The following TAF7L variants were observed in gnomAD, a reference collection of about 807,000 sequenced individuals.
TAF7L encodes the protein TATA-box binding protein associated factor 7 like.
A neutral mutation model predicts 30.2 loss-of-function variants in TAF7L; 6 were observed. The observed-to-expected ratio is 0.20, with a 90% CI of 0.11 to 0.39. The LOEUF (loss-of-function observed/expected upper bound fraction) is 0.39, where lower values mean the gene tolerates loss of function less well. Among genes scored for constraint, TAF7L ranks in the 10% least tolerant of loss-of-function variants. The pLI, the probability that TAF7L is intolerant of heterozygous loss-of-function variation, is 1.00. For synonymous variants in TAF7L, 93 were observed against 94.5 expected (o/e 0.98, Z 0.09); for missense variants, 284 against 277.1 (o/e 1.03, Z -0.18).
intron 5 of TAF7L, 120 bp from the exon 6 acceptor site, chrX:101,281,895 T>A: frequency 1.4e-6 from 1 of 696,228 alleles, no homozygotes; most frequent in African/African-American, 2.3e-5. Flanking sequence ...CTTTTTTTTT[T>A]TTTTTTTTGA....
chrX:101,278,250 A>C, intron 7 of TAF7L, 129 bp from the exon 8 acceptor site: 1 of 480,831 alleles, frequency 2.1e-6, no homozygotes, highest in Non-Finnish European at 3.5e-6. Flanking sequence ...ATCCAACCAA[A>C]TTTCTACTTT....
intron 6 of TAF7L, among the ~76,000 whole-genome samples, chrX:101,280,546 G>C (rs779131602): frequency 8.9e-6 from 1 of 111,794 alleles, no homozygotes; most frequent in East Asian, 2.8e-4. Flanking sequence ...ATATAAAATG[G>C]TACAGTCACT....
At chrX:101,281,003 G>C (rs907743876) in intron 6 of TAF7L, among the ~76,000 whole-genome samples, 17 of 111,838 alleles carry the variant, frequency 1.5e-4, no homozygotes, top group African/African-American at 5.5e-4. Context: ...TTATATAAAA[G>C]CAAAATGAGG....
At chrX:101,289,791 G>C (rs1309398229) in intron 1 of TAF7L, among the ~76,000 whole-genome samples, 3 of 109,212 alleles carry the variant, frequency 2.7e-5, no homozygotes, top group African/African-American at 9.9e-5. Context: ...GTTTCACCAT[G>C]TTGGCCAGGC....
intron 5 of TAF7L, 110 bp from the exon 6 acceptor site, chrX:101,281,885 C>CTTT (rs150397187): frequency 1.8e-4 from 80 of 443,413 alleles, no homozygotes; most frequent in Middle Eastern, 7.4e-4. Flanking sequence ...GACATCACTC[C>CTTT]TTTTTTTTTT....
intron 3 of TAF7L, among the ~76,000 whole-genome samples, chrX:101,284,875 TTTAC>T (rs1470253372): frequency 9.0e-6 from 1 of 111,043 alleles, no homozygotes; most frequent in Non-Finnish European, 1.9e-5. Flanking sequence ...TATTTATTTA[TTTAC>T]TTATTTACTT....
chrX:101,275,366 ATTGTTT>A (rs750186946), intron 11 of TAF7L, 85 bp from the exon 12 acceptor site: 24 of 729,094 alleles, frequency 3.3e-5, no homozygotes, highest in East Asian at 3.6e-5. Context: ...TTGGCAAATA[ATTGTTT>A]TTGTTTTTGT....
chrX:101,286,192 AAAAGAAAGAAAG>A (rs1005206920), intron 3 of TAF7L, among the ~76,000 whole-genome samples: 5 of 106,254 alleles, frequency 4.7e-5, no homozygotes, highest in African/African-American at 3.5e-5. Flanking sequence ...AAAAAAAAAA[AAAAGAAAGAAAG>A]AAAGAAAGAA....
At position 101,278,103 on chromosome X, in the gene TAF7L, C is replaced by T. The variant is rs768889307; in HGVS notation, c.523G>A (p.Val175Met). 13 of 1,208,678 alleles carry T rather than the reference C, an allele frequency of 1.1e-5. No homozygotes were observed. The highest frequency in any genetic ancestry group is 8.9e-5 in the East Asian group (3 of 33,761). ...SFTEYIESPD[V>M]ENEVKRLLRS... ...AGCAGTCTCTTTACTTCATTTTCCA[C>T]GTCTGGAGATTCAATGTACTGAAGC... The change falls in exon 8 of 13, where the codon GTG (valine) becomes ATG (methionine). Residue 175 changes from valine (V) to methionine (M), a missense_variant. Physicochemically the swap from Val to Met is conservative, Grantham distance 21 (BLOSUM62 1). Transcript: ENST00000356784.
chrX:101,281,677 C>T (rs1027215304), intron 6 of TAF7L, 43 bp downstream of exon 6: 1 of 1,174,276 alleles, frequency 8.5e-7, no homozygotes, highest in East Asian at 3.0e-5. Flanking sequence ...CCATGATCCT[C>T]TTCTAATCGG....
At chrX:101,292,766 G>C, upstream of TAF7L, 2 of 1,198,590 alleles carry the variant, frequency 1.7e-6, no homozygotes, top group Non-Finnish European at 1.1e-6. Context: ...TCGGCTGGGG[G>C]AACAAGCTTA....
Position 101,281,704 on chromosome X carries a change from A to T in TAF7L, c.462+16T>A. 8.3e-7 allele frequency: 1 copy of T among 1,207,790 alleles called. No homozygotes were observed. Among genetic ancestry groups the T allele is most frequent in the South Asian group, 1.8e-5 (1 of 56,767 alleles). ...TCTAATCGGCCCGGCAGACACACAA[A>T]TAGCATGTAACTAACCTTTTTTTGT... is the stretch of plus-strand genomic sequence containing the variant. On this transcript the variant is annotated intron_variant, in intron 6 of 12. Coordinates refer to ENST00000356784, the MANE Select transcript of TAF7L (RefSeq NM_001168474.2).
At chrX:101,291,411 G>C (rs1027163882), upstream of TAF7L, 6 of 370,758 alleles carry the variant, frequency 1.6e-5, no homozygotes, top group Non-Finnish European at 2.1e-5. Context: ...CCGCGGCCGC[G>C]CTGCCCAGCG....
chrX:101,280,046 T>TAA (rs35674743), intron 6 of TAF7L, among the ~76,000 whole-genome samples: 18,122 of 87,345 alleles, frequency 0.21, 1,558 homozygotes, highest in Non-Finnish European at 0.24. Flanking sequence ...TAAAAAGATG[T>TAA]AAAAAAAAAA....
At position 101,282,340 on chromosome X, in the gene TAF7L, G is replaced by T. The variant is rs773600405; in HGVS notation, c.393C>A (p.Val131=). 7.3e-5 allele frequency: 88 copies of T among 1,209,382 alleles called. No homozygotes were observed. Among genetic ancestry groups the T allele is most frequent in the Non-Finnish European group, 9.7e-5 (87 of 894,999 alleles). ...KKERGREEKC[V]WKHGITPPLK... Reference sequence around the variant, plus strand: ...CTGGTGACTTACTGCCATGCTTCCAGACACATTTTTCTTCTCTCCCCCTTT... The same window carrying T: ...CTGGTGACTTACTGCCATGCTTCCATACACATTTTTCTTCTCTCCCCCTTT... The change falls in exon 5 of 13, where the codon GTC becomes GTA. Residue 131 remains valine (V), a synonymous_variant. Coordinates refer to ENST00000356784, the MANE Select transcript of TAF7L (RefSeq NM_001168474.2).
At chrX:101,275,932 G>T in intron 11 of TAF7L, 68 bp downstream of exon 11, 1 of 794,850 alleles carries the variant, frequency 1.3e-6, no homozygotes, top group Non-Finnish European at 1.8e-6. Context: ...GATAACATAA[G>T]TGGAAACACA....
At chrX:101,288,455 C>T (rs867529646) in intron 1 of TAF7L, among the ~76,000 whole-genome samples, 6 of 94,141 alleles carry the variant, frequency 6.4e-5, no homozygotes, top group African/African-American at 7.8e-5. Flanking sequence ...GAATCCAGTT[C>T]TTTTTTTTTT....
chrX:101,277,758 A>T, intron 8 of TAF7L, 39 bp from the exon 9 acceptor site: 1 of 959,160 alleles, frequency 1.0e-6, no homozygotes, highest in Non-Finnish European at 1.5e-6. Flanking sequence ...ACAGAAGGAA[A>T]CAAAAAGGCA....
Position 101,277,604 on chromosome X carries a change from A to G in TAF7L, c.691+2T>C. On this transcript the variant is annotated splice_donor_variant, in intron 9 of 12. Transcript: ENST00000356784. LOFTEE classifies it high-confidence loss of function. Reference sequence around the variant, plus strand: ...ACTCCTGCTTTGCCTTTACTAAAGTACCTGACGAGGTATGACCCTGCTTGT... The same window carrying G: ...ACTCCTGCTTTGCCTTTACTAAAGTGCCTGACGAGGTATGACCCTGCTTGT... 1 of 1,155,217 alleles carries G rather than the reference A, an allele frequency of 8.7e-7. No homozygotes were observed. The highest frequency in any genetic ancestry group is 1.2e-6 in the Non-Finnish European group (1 of 861,047).
Sources: gnomAD v4.1 joint callset for allele counts (sites outside exome capture counted in the v4.1 genomes callset) on GRCh38, gnomAD v4.1.1 for gene constraint, MANE v1.5 for transcripts, NCBI Gene and HGNC (gene_info 2026-07-23, HGNC 2026-07-21) for gene names.